PLEKHA5: variants seen among roughly 807,000 people sequenced by gnomAD.
PLEKHA5 encodes pleckstrin homology domain-containing family A member 5.
Under a neutral mutation model 181.9 loss-of-function variants are expected in PLEKHA5, and 55 were observed. The ratio of observed to expected loss-of-function variants is 0.30; its 90% CI spans 0.24 to 0.38. The LOEUF is 0.38. Ranked by LOEUF, PLEKHA5 falls within the 10% of genes least tolerant of loss-of-function variation. The probability of loss-of-function intolerance (pLI) is 1.00; values close to 1 mark genes in which losing one functional copy is unlikely to be tolerated. For missense variants in PLEKHA5, 1,432 were observed against 1,549.5 expected, an observed-to-expected ratio of 0.92 and a Z score of 1.27; for synonymous variants, 535 against 529.4, an observed-to-expected ratio of 1.01 and a Z score of -0.15.
chr12:19,304,362 G>A (rs149459403), intron 15 of PLEKHA5, among the ~76,000 whole-genome samples: 64 of 152,272 alleles, frequency 4.2e-4, no homozygotes, highest in East Asian at 1.4e-3. Flanking sequence ...CTGAGATTGC[G>A]CCATTGCACA....
At chr12:19,200,495 T>C in intron 3 of PLEKHA5, 1 of 1,372,926 alleles carries the variant, frequency 7.3e-7, no homozygotes, top group Non-Finnish European at 9.4e-7. Context: ...CTATTCTCCA[T>C]AACAAATGTT....
At chr12:19,368,522 G>A (rs914070153) in intron 30 of PLEKHA5, among the ~76,000 whole-genome samples, 2 of 152,224 alleles carry the variant, frequency 1.3e-5, no homozygotes, top group Non-Finnish European at 2.9e-5. Context: ...GCCAGGCACA[G>A]TGGCTCACGC....
chr12:19,163,789 C>T (rs1217000726), intron 3 of PLEKHA5, among the ~76,000 whole-genome samples: 1 of 152,166 alleles, frequency 6.6e-6, no homozygotes, highest in African/African-American at 2.4e-5. Context: ...AGTAAACACT[C>T]AGTGGCTCTT....
intron 20 of PLEKHA5, among the ~76,000 whole-genome samples, chr12:19,335,879 C>G (rs2093386285): frequency 6.6e-6 from 1 of 151,960 alleles, no homozygotes; most frequent in South Asian, 2.1e-4. Context: ...TGATCTGCCC[C>G]CGTCAGCCTC....
At chr12:19,192,468 C>T (rs1223903137) in intron 3 of PLEKHA5, among the ~76,000 whole-genome samples, 3 of 152,102 alleles carry the variant, frequency 2.0e-5, no homozygotes, top group Non-Finnish European at 2.9e-5. Context: ...GAGGCCGAGG[C>T]GGGCAGATCA....
intron 3 of PLEKHA5, chr12:19,201,514 G>T (rs1424472444): frequency 1.3e-5 from 2 of 152,026 alleles, no homozygotes; most frequent in Admixed American, 6.6e-5. Flanking sequence ...TGCACACAAA[G>T]ATCTGTACTA....
chr12:19,313,317 G>A (rs1401653826), intron 15 of PLEKHA5, among the ~76,000 whole-genome samples: 1 of 152,170 alleles, frequency 6.6e-6, no homozygotes, highest in African/African-American at 2.4e-5. Flanking sequence ...TGAGGCTGCA[G>A]TGAGCCATGA....
At position 19,241,820 on chromosome 12, in the gene PLEKHA5, A is replaced by T. The variant is rs577818349; in HGVS notation, c.228-12120A>T. ...GATAAATACATACAATTTTTTTTTT[A>T]AAAAGAGTCTTAGAACCATATGCGC... On this transcript the variant is annotated intron_variant, in intron 3 of 31. Coordinates refer to ENST00000429027, the MANE Select transcript of PLEKHA5 (RefSeq NM_001256470.2). Among the ~76,000 whole-genome samples the T allele has an allele frequency of 1.7e-4, 25 of 151,178 alleles. No individual in the cohort carries two copies. In the East Asian group the frequency reaches 1.7e-3, roughly 11 times the overall value.
At chr12:19,165,151 G>A (rs1565888186) in intron 3 of PLEKHA5, among the ~76,000 whole-genome samples, 1 of 152,192 alleles carries the variant, frequency 6.6e-6, no homozygotes, top group Non-Finnish European at 1.5e-5. Context: ...GAGTTTTGGA[G>A]CTGCTGAAAA....
At chr12:19,200,892 CAA>C (rs1462878233) in intron 3 of PLEKHA5, 2 of 154,714 alleles carry the variant, frequency 1.3e-5, no homozygotes, top group African/African-American at 4.9e-5. Context: ...AATGTAAAAA[CAA>C]AAAGTATAAA....
At chr12:19,364,496 G>A (rs1234853752) in intron 29 of PLEKHA5, among the ~76,000 whole-genome samples, 1 of 151,894 alleles carries the variant, frequency 6.6e-6, no homozygotes, top group Non-Finnish European at 1.5e-5. Context: ...GGGCGACAGA[G>A]TGAGAATCTG....
intron 11 of PLEKHA5, among the ~76,000 whole-genome samples, chr12:19,282,074 G>A (rs975526164): frequency 2.0e-5 from 3 of 152,086 alleles, no homozygotes; most frequent in African/African-American, 7.2e-5. Context: ...GAGCCACTGC[G>A]CCCGGCCCAA....
chr12:19,228,245 T>G (rs1021364388), intron 3 of PLEKHA5, among the ~76,000 whole-genome samples: 11 of 152,206 alleles, frequency 7.2e-5, no homozygotes, highest in African/African-American at 2.7e-4. Context: ...CCAGGTCCCT[T>G]TGTCTAATAC....
intron 15 of PLEKHA5, among the ~76,000 whole-genome samples, chr12:19,293,921 G>A (rs1254438967): frequency 6.6e-6 from 1 of 152,102 alleles, no homozygotes; most frequent in Non-Finnish European, 1.5e-5. Context: ...CATGCTTGTG[G>A]TCCTACTGGT....
chr12:19,306,917 C>A, intron 15 of PLEKHA5: 1 of 845,608 alleles, frequency 1.2e-6, no homozygotes, highest in Non-Finnish European at 2.0e-6. Context: ...CCAGCTAATG[C>A]AATGGCAGGT....
intron 3 of PLEKHA5, among the ~76,000 whole-genome samples, chr12:19,210,990 C>G (rs2056778607): frequency 6.6e-6 from 1 of 151,872 alleles, no homozygotes; most frequent in African/African-American, 2.4e-5. Context: ...TGCTGTAAAT[C>G]TAGACATTAA....
chr12:19,282,696 T>G, intron 11 of PLEKHA5, among the ~76,000 whole-genome samples: 1 of 152,208 alleles, frequency 6.6e-6, no homozygotes. Context: ...GAATTGAGAT[T>G]AGATTTTAAA....
At chr12:19,340,429 G>C (rs2093786765) in intron 21 of PLEKHA5, among the ~76,000 whole-genome samples, 2 of 120,906 alleles carry the variant, frequency 1.7e-5, no homozygotes, top group South Asian at 2.9e-4. Flanking sequence ...CCTCTGCCCG[G>C]CCACCACCCC....
intron 15 of PLEKHA5, among the ~76,000 whole-genome samples, chr12:19,299,223 C>G (rs1380192701): frequency 1.3e-5 from 2 of 152,170 alleles, no homozygotes; most frequent in Non-Finnish European, 2.9e-5. Context: ...AAACTGATGA[C>G]TTTAAACTGG....
Sources: gnomAD v4.1 joint callset for allele counts (sites outside exome capture counted in the v4.1 genomes callset) on GRCh38, gnomAD v4.1.1 for gene constraint, MANE v1.5 for transcripts, NCBI Gene and HGNC (gene_info 2026-07-23, HGNC 2026-07-21) for gene names.